The following CELF2 variants were observed in gnomAD, a reference collection of about 807,000 sequenced individuals.
The protein encoded by CELF2 is CUGBP Elav-like family member 2, also known as CUG triplet repeat RNA-binding protein 2.
Under a neutral mutation model 62.6 loss-of-function variants are expected in CELF2, and 8 were observed. That is an observed-to-expected ratio of 0.13 (90% confidence interval 0.07 to 0.23). The LOEUF is 0.23. Ranked by LOEUF, CELF2 falls within the 10% of genes least tolerant of loss-of-function variation. The probability of loss-of-function intolerance (pLI) is 1.00; values close to 1 mark genes in which losing one functional copy is unlikely to be tolerated. For synonymous variants in CELF2, 258 were observed against 250.0 expected, an observed-to-expected ratio of 1.03 and a Z score of -0.30; for missense variants, 333 against 671.0, an observed-to-expected ratio of 0.50 and a Z score of 5.56.
chr10:10,946,328 A>G (rs1250578353), intron 2 of CELF2: 2 of 152,354 alleles, frequency 1.3e-5, no homozygotes, highest in Non-Finnish European at 2.9e-5. Context: ...TGCACGTGAT[A>G]CTCATTAAGG....
chr10:11,041,042 A>G (rs1282836192), intron 1 of CELF2, among the ~76,000 whole-genome samples: 1 of 152,266 alleles, frequency 6.6e-6, no homozygotes, highest in Non-Finnish European at 1.5e-5. Flanking sequence ...GGAGTCCAAC[A>G]TCAAGGTGCT....
chr10:11,019,851 A>G (rs751312953), intron 1 of CELF2, among the ~76,000 whole-genome samples: 10 of 152,176 alleles, frequency 6.6e-5, no homozygotes, highest in Admixed American at 1.3e-4. Flanking sequence ...CACATGAGCT[A>G]GTATGAAAGT....
At chr10:11,187,154 G>C (rs928928721) in intron 2 of CELF2, among the ~76,000 whole-genome samples, 1 of 152,090 alleles carries the variant, frequency 6.6e-6, no homozygotes, top group Non-Finnish European at 1.5e-5. Flanking sequence ...TTGAAATCTC[G>C]TGTATTTGTG....
chr10:11,270,592 C>G lies in CELF2; in HGVS notation c.619-74C>G. The G allele has an allele frequency of 7.7e-7, 1 of 1,296,458 alleles. No individual in the cohort carries two copies. The highest frequency in any genetic ancestry group is 1.0e-6 in the Non-Finnish European group (1 of 990,194). The allele number at this position is 1,296,458 out of a possible 1,614,324, so 80.3% of individuals were successfully genotyped here. A position where few individuals can be genotyped will look rare whatever the true frequency, so the allele number is the denominator to read the frequency against. Reference sequence around the variant, plus strand: ...TCCAGGCTAGTGCAGAAAGGTAGCTCCGGTGCTGAGTGTCGTGAGCGGATT... The same window carrying G: ...TCCAGGCTAGTGCAGAAAGGTAGCTGCGGTGCTGAGTGTCGTGAGCGGATT... On this transcript the variant is annotated intron_variant, in intron 6 of 12. Transcript: ENST00000633077. The surrounding 1 kb of genome is among the most constrained non-coding windows in gnomAD (Gnocchi z 5.8).
At chr10:10,922,642 CTTCTT>C (rs1253459831) in intron 2 of CELF2, 1 of 152,134 alleles carries the variant, frequency 6.6e-6, no homozygotes, top group Non-Finnish European at 1.5e-5. Context: ...AGGCTGCTCT[CTTCTT>C]AGGTTTGGTG....
At chr10:10,666,840 C>G in the CELF2 span, among the ~76,000 whole-genome samples, 1 of 62,562 alleles carries the variant, frequency 1.6e-5, no homozygotes, top group Non-Finnish European at 2.7e-5. Context: ...CCAGCCTGGG[C>G]GACAGAGCGA....
the CELF2 span, among the ~76,000 whole-genome samples, chr10:10,751,417 A>G: frequency 6.6e-6 from 1 of 152,370 alleles, no homozygotes; most frequent in Non-Finnish European, 1.5e-5. Context: ...CTGACAAAGA[A>G]GCAAGTTCGT....
the CELF2 span, among the ~76,000 whole-genome samples, chr10:10,742,269 A>C: frequency 5.9e-5 from 9 of 152,336 alleles, no homozygotes; most frequent in East Asian, 1.7e-3. Flanking sequence ...CCTATTAACA[A>C]GGTTAAATGA....
chr10:11,155,323 T>G (rs2064124055), intron 1 of CELF2, among the ~76,000 whole-genome samples: 1 of 152,088 alleles, frequency 6.6e-6, no homozygotes, highest in Non-Finnish European at 1.5e-5. Context: ...CTGCTGCGAG[T>G]GGGCTTTTCA....
At chr10:10,977,408 T>C (rs909617211) in intron 2 of CELF2, among the ~76,000 whole-genome samples, 1 of 152,196 alleles carries the variant, frequency 6.6e-6, no homozygotes, top group African/African-American at 2.4e-5. Context: ...AGCAGACACA[T>C]TGTTGACATC....
Position 11,005,982 on chromosome 10 carries a change from G to T in CELF2, c.53+542G>T, listed in dbSNP as rs566545632. The stretch of plus-strand genomic sequence containing the variant: ...TTTGGAGACCTCTTTCATGCATGGC[G>T]TCCTGGGTCCCCATGTATTGAAAGC... On this transcript the variant is annotated intron_variant, in intron 1 of 12. Coordinates refer to the CELF2 transcript ENST00000416382. The surrounding 1 kb of genome is among the most constrained non-coding windows in gnomAD (Gnocchi z 4.3). Among the ~76,000 whole-genome samples, 1 of 152,144 alleles carries T rather than the reference G, an allele frequency of 6.6e-6. No homozygotes were observed. The highest frequency in any genetic ancestry group is 1.5e-5 in the Non-Finnish European group (1 of 68,034).
chr10:10,477,754 A>G, the CELF2 span, among the ~76,000 whole-genome samples: 1 of 147,758 alleles, frequency 6.8e-6, no homozygotes, highest in African/African-American at 2.5e-5. Flanking sequence ...TAAAAACTAT[A>G]TGTGGCCTGC....
upstream of CELF2, among the ~76,000 whole-genome samples, chr10:11,013,690 G>A (rs938081859): frequency 2.6e-5 from 4 of 152,098 alleles, no homozygotes; most frequent in African/African-American, 9.7e-5. The surrounding 1 kb of genome is among the most constrained non-coding windows in gnomAD (Gnocchi z 4.1). Flanking sequence ...CATCTTTATT[G>A]GCATTTACTT....
intron 2 of CELF2, among the ~76,000 whole-genome samples, chr10:10,991,489 A>G (rs368090076): frequency 6.6e-6 from 1 of 152,174 alleles, no homozygotes; most frequent in Non-Finnish European, 1.5e-5. Context: ...GTGGTGTCAC[A>G]CCTGCCTGTC....
At chr10:10,486,016 A>G in the CELF2 span, among the ~76,000 whole-genome samples, 1 of 152,220 alleles carries the variant, frequency 6.6e-6, no homozygotes, top group Non-Finnish European at 1.5e-5. Context: ...AATTGCATGC[A>G]TCAGAGCATG....
rs780082547 is a variant in CELF2, at chr10:11,012,568, C to T, written c.53+7128C>T. On this transcript the variant is annotated intron_variant, in intron 1 of 12. Transcript: ENST00000416382. The surrounding 1 kb of genome is among the most constrained non-coding windows in gnomAD (Gnocchi z 5.5). ...CACCTGTTGCTGCCTTCTCCGGGAC[C>T]GAATGTTACGCCTGCAACTGTGTCC... 1.3e-5 allele frequency among the ~76,000 whole-genome samples: 2 copies of T among 152,134 alleles called. No homozygotes were observed. Among genetic ancestry groups the T allele is most frequent in the Admixed American group, 6.5e-5 (1 of 15,286 alleles).
chr10:10,782,815 G>A, the CELF2 span, among the ~76,000 whole-genome samples: 1 of 152,168 alleles, frequency 6.6e-6, no homozygotes, highest in Admixed American at 6.5e-5. Context: ...CAGCCATCGT[G>A]CCCCCTGGTC....
intron 1 of CELF2, among the ~76,000 whole-genome samples, chr10:11,036,674 G>A (rs1461305994): frequency 6.6e-6 from 1 of 152,196 alleles, no homozygotes; most frequent in Non-Finnish European, 1.5e-5. Context: ...AATCTCCTAT[G>A]GGAAGATGAT....
chr10:11,199,712 A>G (rs534377640), intron 2 of CELF2, among the ~76,000 whole-genome samples: 1 of 152,370 alleles, frequency 6.6e-6, no homozygotes, highest in East Asian at 1.9e-4. Flanking sequence ...GCAAGAAGTT[A>G]GCCTCGATGG....
Sources: allele counts gnomAD v4.1 joint callset (sites outside exome capture counted in the v4.1 genomes callset), GRCh38; gene constraint gnomAD v4.1.1; non-coding constraint Gnocchi (gnomAD v3.1); transcripts MANE v1.5; gene names NCBI Gene and HGNC (gene_info 2026-07-23, HGNC 2026-07-21).